The following LRWD1 variants were observed in gnomAD, a reference collection of about 807,000 sequenced individuals.
LRWD1 encodes leucine-rich repeat and WD repeat-containing protein 1.
A neutral mutation model predicts 75.6 loss-of-function variants in LRWD1; 76 were observed. That is an observed-to-expected ratio of 1.01 (90% CI 0.84 to 1.22). The LOEUF (loss-of-function observed/expected upper bound fraction) is 1.22. Among genes scored for constraint, LRWD1 ranks in the 50% most tolerant of loss-of-function variants. The pLI, the probability that LRWD1 is intolerant of heterozygous loss-of-function variation, is 0.00. For synonymous variants in LRWD1, 487 were observed against 377.0 expected (o/e 1.29, Z -3.38); for missense variants, 917 against 862.0 (o/e 1.06, Z -0.80).
chr7:102,469,062 A>G lies in LRWD1; in HGVS notation c.1228A>G (p.Thr410Ala). 2 of 1,598,916 alleles carry G rather than the reference A, an allele frequency of 1.3e-6. No individual in the cohort carries two copies. Among genetic ancestry groups the G allele is most frequent in the Non-Finnish European group, 1.7e-6 (2 of 1,172,264 alleles). The change falls in exon 9 of 15, where the codon ACG becomes GCG. Residue 410 changes from threonine (T) to alanine (A), a missense_variant and splice_region_variant. By Grantham distance (58) the Thr-to-Ala change is moderately conservative. Transcript: ENST00000292616. ...CCCCGCCCACGAGACCCATCTCTTC[A>G]GTAAGCCCCTCCCCTTCACCCCTGG... ...FSPAHETHLF[T>A]ASYDKRIILW... is the part of the protein sequence containing the mutation.
At chr7:102,465,556 G>A (rs2133261132) in intron 1 of LRWD1, 1 of 264,632 alleles carries the variant, frequency 3.8e-6, no homozygotes, top group South Asian at 6.0e-5. Flanking sequence ...GAGTAGTGGC[G>A]CGCGCTTCTA....
chr7:102,467,084 T>C (rs1798009012), intron 3 of LRWD1, among the ~76,000 whole-genome samples: 1 of 147,636 alleles, frequency 6.8e-6, no homozygotes. Context: ...TGTGTGTGTG[T>C]GTGTGTGTGT....
Position 102,467,171 on chromosome 7 carries a change from G to GTGTGT in LRWD1, c.433-168_433-167insTGTGT, listed in dbSNP as rs1554579596. On this transcript the variant is annotated intron_variant, in intron 3 of 14. Coordinates refer to ENST00000292616, the MANE Select transcript of LRWD1 (RefSeq NM_152892.3). ...TGGGTTGTTGCTGGGGTGTGTGTGG[G>GTGTGT]GTGTGTGTGTGTGTGTGTGTGTGTG... Among the ~76,000 whole-genome samples, 534 of 99,136 alleles carry GTGTGT rather than the reference G, an allele frequency of 5.4e-3. 35 individuals are homozygous for GTGTGT. Among genetic ancestry groups the GTGTGT allele is most frequent in the Middle Eastern group, 0.015 (3 of 206 alleles). The allele number at this position is 99,136 out of a possible 152,430, so 65.0% of individuals were successfully genotyped here.
At chr7:102,470,158 C>G in intron 11 of LRWD1, 1 of 417,680 alleles carries the variant, frequency 2.4e-6, no homozygotes, top group Non-Finnish European at 4.2e-6. Context: ...TGATCCAGCC[C>G]ACTCCTGCCA....
At position 102,472,854 on chromosome 7, in the gene LRWD1, G is replaced by A. The variant is rs550995923; in HGVS notation, c.1803+50G>A. 6.2e-6 allele frequency: 10 copies of A among 1,611,566 alleles called. No homozygotes were observed. In the East Asian group the frequency reaches 8.9e-5, roughly 14 times the overall value. Reference sequence around the variant, plus strand: ...GGCTTGGGCTGGCAAGGCATCAGGGGCCCTGCCTTTGGTCAGCAGGAGCCC... The same window carrying A: ...GGCTTGGGCTGGCAAGGCATCAGGGACCCTGCCTTTGGTCAGCAGGAGCCC... On this transcript the variant is annotated intron_variant, in intron 14 of 14. Transcript: ENST00000292616.
At position 102,469,723 on chromosome 7, in the gene LRWD1, C is replaced by A. The variant is rs1434090001; in HGVS notation, c.1302-19C>A. The A allele has an allele frequency of 6.2e-7, 1 of 1,610,162 alleles. No homozygotes were observed. Among genetic ancestry groups the A allele is most frequent in the East Asian group, 2.2e-5 (1 of 44,810 alleles). Reference sequence around the variant, plus strand: ...CTCGGTCTGGGTCTGATGCTCTGTTCCCCCTTGCCCACTGGCAGCCAGCTG... The same window carrying A: ...CTCGGTCTGGGTCTGATGCTCTGTTACCCCTTGCCCACTGGCAGCCAGCTG... On this transcript the variant is annotated intron_variant, in intron 10 of 14. Coordinates refer to ENST00000292616, the MANE Select transcript of LRWD1 (RefSeq NM_152892.3).
chr7:102,472,608 T>TGGTGAGCCTGCCCC lies in LRWD1; in HGVS notation c.1690_1690+13dup. 1 of 1,609,204 alleles carries TGGTGAGCCTGCCCC rather than the reference T, an allele frequency of 6.2e-7. No individual in the cohort carries two copies. Among genetic ancestry groups the TGGTGAGCCTGCCCC allele is most frequent in the Non-Finnish European group, 8.5e-7 (1 of 1,177,346 alleles). ...CCTACTTCTCGCTCAGCGCCTGCCC[T>TGGTGAGCCTGCCCC]GGTGAGCCTGCCCCCCTGCCCGCCC... On this transcript the variant is annotated frameshift_variant and splice_region_variant, in exon 13 of 15. Coordinates refer to ENST00000292616, the MANE Select transcript of LRWD1 (RefSeq NM_152892.3). LOFTEE classifies it high-confidence loss of function.
intron 8 of LRWD1, 98 bp from the exon 9 acceptor site, chr7:102,468,757 T>A: frequency 6.5e-7 from 1 of 1,530,042 alleles, no homozygotes; most frequent in South Asian, 1.2e-5. Flanking sequence ...CATGGCCTTT[T>A]TCTTTCATGC....
chr7:102,472,444 T>TC lies in LRWD1; in HGVS notation c.1535-5dup. 6.5e-7 allele frequency: 1 copy of TC among 1,536,482 alleles called. No individual in the cohort carries two copies. The highest frequency in any genetic ancestry group is 8.8e-7 in the Non-Finnish European group (1 of 1,138,460). On this transcript the variant is annotated splice_polypyrimidine_tract_variant and intron_variant, in intron 12 of 14. Transcript: ENST00000292616. Reference sequence around the variant, plus strand: ...GGCCACCCTGCACAGCTCTCCCTTCTCCCCCACAGCCTCCAAGGGGAGCGG... The same window carrying TC: ...GGCCACCCTGCACAGCTCTCCCTTCTCCCCCCACAGCCTCCAAGGGGAGCGG...
chr7:102,469,471 G>A, intron 9 of LRWD1, 103 bp from the exon 10 acceptor site: 2 of 1,363,922 alleles, frequency 1.5e-6, no homozygotes, highest in Non-Finnish European at 2.1e-6. Context: ...CCCCGCCTCG[G>A]AGGGGCTGGC....
chr7:102,472,272 A>T lies in LRWD1; in HGVS notation c.1497A>T (p.Arg499Ser). 4 of 1,592,748 alleles carry T rather than the reference A, an allele frequency of 2.5e-6. No individual in the cohort carries two copies. Among genetic ancestry groups the T allele is most frequent in the South Asian group, 1.1e-5 (1 of 88,144 alleles). ...FSEGSEASGR[R>S]VDGLAFVNED... ...AGGGCTCCGAGGCATCTGGACGGAG[A>T]GTGGATGGGCTGGCATTTGTGAATG... The change falls in exon 12 of 15, where the codon AGA (arginine) becomes AGT (serine). Residue 499 changes from arginine (R) to serine (S), a missense_variant. Physicochemically the swap from Arg to Ser is moderately radical, Grantham distance 110. Transcript: ENST00000292616.
chr7:102,466,180 T>C lies in LRWD1; in HGVS notation c.342T>C (p.Phe114=). 1 of 1,614,108 alleles carries C rather than the reference T, an allele frequency of 6.2e-7. No individual in the cohort carries two copies. Among genetic ancestry groups the C allele is most frequent in the East Asian group, 2.2e-5 (1 of 44,890 alleles). ...LTVNDNLKVS[F]LLPTLRKVNG... is the part of the protein sequence containing the mutation. Reference sequence around the variant, plus strand: ...TCAATGACAACCTGAAAGTCTCCTTTCTCCTGCCCACGCTCCGTAAGGTCA... The same window carrying C: ...TCAATGACAACCTGAAAGTCTCCTTCCTCCTGCCCACGCTCCGTAAGGTCA... The change falls in exon 3 of 15, where the codon TTT becomes TTC. Residue 114 remains phenylalanine (F), a synonymous_variant. Transcript: ENST00000292616.
At position 102,469,561 on chromosome 7, in the gene LRWD1, AC is replaced by A. The variant is rs772203481; in HGVS notation, c.1229-8del. 2 of 1,613,480 alleles carry A rather than the reference AC, an allele frequency of 1.2e-6. No homozygotes were observed. The highest frequency in any genetic ancestry group is 1.1e-5 in the South Asian group (1 of 91,070). ...CTCAGGGCCACTTCTCCCCTACCCC[AC>A]CCCCTCTTCAGCGGCCTCCTATGAC... On this transcript the variant is annotated splice_polypyrimidine_tract_variant and intron_variant, in intron 9 of 14. Coordinates refer to ENST00000292616, the MANE Select transcript of LRWD1 (RefSeq NM_152892.3).
Position 102,472,572 on chromosome 7 carries a change from C to T in LRWD1, c.1653C>T (p.Ser551=), listed in dbSNP as rs756394360. ...TCCTGGCGCGGCTGCAATGGTCGTC[C>T]ACCGAGTTGGCCTACTTCTCGCTCA... ...VVVLARLQWS[S]TELAYFSLSA... The change falls in exon 13 of 15, where the codon TCC becomes TCT. Residue 551 remains serine, a synonymous_variant. Coordinates refer to ENST00000292616, the MANE Select transcript of LRWD1 (RefSeq NM_152892.3). 5 of 1,607,054 alleles carry T rather than the reference C, an allele frequency of 3.1e-6. No individual in the cohort carries two copies. The Admixed American group carries it at 8.4e-5, about 27-fold the overall frequency.
At position 102,468,592 on chromosome 7, in the gene LRWD1, G is replaced by T; in HGVS notation, c.958G>T (p.Ala320Ser). ...SQTVATCGGE[A>S]VCVIDCQTGI... ...GACCGTGGCCACGTGCGGCGGGGAG[G>T]CTGTGTGCGTAATTGATTGCCAGAC... Residue 320 changes from alanine (A) to serine (S), a missense_variant, in exon 8 of 15, where the codon GCT becomes TCT. Coordinates refer to ENST00000292616, the MANE Select transcript of LRWD1 (RefSeq NM_152892.3). 1 of 1,578,040 alleles carries T rather than the reference G, an allele frequency of 6.3e-7. No individual in the cohort carries two copies. Among genetic ancestry groups the T allele is most frequent in the Non-Finnish European group, 8.6e-7 (1 of 1,161,796 alleles).
At chr7:102,471,533 C>T (rs12534337) in intron 11 of LRWD1, 16,071 of 154,612 alleles carry the variant, frequency 0.1, 1,422 homozygotes, top group East Asian at 0.45. Context: ...CGCCTCCCTC[C>T]CTGCCCGTAT....
intron 3 of LRWD1, 53 bp from the exon 4 acceptor site, chr7:102,467,286 G>T (rs1208857012): frequency 5.9e-6 from 9 of 1,536,626 alleles, no homozygotes; most frequent in Non-Finnish European, 7.9e-6. Context: ...TGGAGGGCTG[G>T]GTCCGGAGGA....
chr7:102,468,437 G>A, intron 7 of LRWD1, 60 bp downstream of exon 7: 4 of 1,542,954 alleles, frequency 2.6e-6, no homozygotes, highest in Admixed American at 3.9e-5. Context: ...CTGGATGGGT[G>A]GGGGATCAGG....
rs61229695 is a variant in LRWD1, at chr7:102,473,116, TGGGGGG to T, written c.*71_*76del. 2 of 1,211,546 alleles carry T rather than the reference TGGGGGG, an allele frequency of 1.7e-6. No homozygotes were observed. Among genetic ancestry groups the T allele is most frequent in the Non-Finnish European group, 2.3e-6 (2 of 882,868 alleles). The allele number at this position is 1,211,546 out of a possible 1,614,324, so 75.0% of individuals were successfully genotyped here. A position where few individuals can be genotyped will look rare whatever the true frequency, so the allele number is the denominator to read the frequency against. ...TTATTCAGCTTTGGGCCGATGGGGG[TGGGGGG>T]GGGTCTTTCAGTGAATATTTTTATT... On this transcript the variant is annotated 3_prime_UTR_variant, in exon 15 of 15. Coordinates refer to ENST00000292616, the MANE Select transcript of LRWD1 (RefSeq NM_152892.3).
Sources: allele counts gnomAD v4.1 joint callset (sites outside exome capture counted in the v4.1 genomes callset), GRCh38; gene constraint gnomAD v4.1.1; transcripts MANE v1.5; gene names NCBI Gene and HGNC (gene_info 2026-07-23, HGNC 2026-07-21).